Variants in NUDT14 observed in about 807,000 individuals in gnomAD.
NUDT14 encodes the protein nudix hydrolase 14, also known as uridine diphosphate glucose pyrophosphatase NUDT14.
In NUDT14, 22 loss-of-function variants were observed where a neutral mutation model predicts 17.5. The observed-to-expected ratio is 1.26, with a 90% CI of 0.90 to 1.80. The LOEUF (loss-of-function observed/expected upper bound fraction) is 1.80, where lower values mean the gene tolerates loss of function less well. Among genes scored for constraint, NUDT14 ranks in the 40% most tolerant of loss-of-function variants. The pLI is 0.00. For missense variants in NUDT14, 296 were observed against 295.6 expected (o/e 1.00, Z -0.01); for synonymous variants, 129 against 125.8 (o/e 1.03, Z -0.17).
chr14:105,181,221 G>T lies in NUDT14; in HGVS notation c.-12C>A. Reference sequence around the variant, plus strand: ...TCGATGCGCTCCATGGCGGCGCCCGGACAGGCGGGGGCCGCGAGCTCTGCG... The same window carrying T: ...TCGATGCGCTCCATGGCGGCGCCCGTACAGGCGGGGGCCGCGAGCTCTGCG... On this transcript the variant is annotated 5_prime_UTR_variant, in exon 1 of 5. Coordinates refer to ENST00000392568, the MANE Select transcript of NUDT14 (RefSeq NM_177533.5). This position sits in a 1 kb window ranked among gnomAD's most constrained non-coding sequence, Gnocchi z 5.0. 2 of 1,074,940 alleles carry T rather than the reference G, an allele frequency of 1.9e-6. No individual in the cohort carries two copies. Among genetic ancestry groups the T allele is most frequent in the Non-Finnish European group, 2.3e-6 (2 of 870,722 alleles). 66.6% of individuals were successfully genotyped at this position (1,074,940 alleles called of 1,614,324 possible).
intron 1 of NUDT14, among the ~76,000 whole-genome samples, chr14:105,178,337 G>C (rs1889260388): frequency 6.6e-6 from 1 of 152,074 alleles, no homozygotes; most frequent in Non-Finnish European, 1.5e-5. Context: ...ATGGTGACCA[G>C]GCTCGGCAGC....
Position 105,177,039 on chromosome 14 carries a change from G to C in NUDT14, c.126-12C>G. On this transcript the variant is annotated splice_polypyrimidine_tract_variant and intron_variant, in intron 2 of 4. Transcript: ENST00000392568. ...AGAGAACGGTCACGCTGTGTACGGG[G>C]GGAGGGGCTCAGCACAGAAGCACTC... 1 of 1,610,450 alleles carries C rather than the reference G, an allele frequency of 6.2e-7. No individual in the cohort carries two copies. Among genetic ancestry groups the C allele is most frequent in the Non-Finnish European group, 8.5e-7 (1 of 1,179,346 alleles).
In NUDT14 at chr14:105,181,261, G is replaced by A; in HGVS notation, c.-52C>T. 1 of 709,390 alleles carries A rather than the reference G, an allele frequency of 1.4e-6. No homozygotes were observed. The highest frequency in any genetic ancestry group is 1.8e-6 in the Non-Finnish European group (1 of 552,770). 43.9% of individuals were successfully genotyped at this position (709,390 alleles called of 1,614,324 possible). On this transcript the variant is annotated 5_prime_UTR_variant, in exon 1 of 5. Transcript: ENST00000392568. This position sits in a 1 kb window ranked among gnomAD's most constrained non-coding sequence, Gnocchi z 5.0. ...CGAGCTCTGCGGGGGCCGACACGGGGCGGCGCCCTGTCCCGACAGGAGCCT... is the reference window on the plus strand; with the variant it reads ...CGAGCTCTGCGGGGGCCGACACGGGACGGCGCCCTGTCCCGACAGGAGCCT...
chr14:105,173,262 C>A lies in NUDT14; in HGVS notation c.429-1G>T. The A allele has an allele frequency of 1.3e-6, 2 of 1,529,316 alleles. No individual in the cohort carries two copies. 94.7% of individuals were successfully genotyped at this position (1,529,316 alleles called of 1,614,324 possible). ...GGAGCCAGTCAGTCCCACTCCAGAC[C>A]TACGGGTTGAGACAGGGTCTGCTGA... On this transcript the variant is annotated splice_acceptor_variant, in intron 4 of 4. Transcript: ENST00000392568. LOFTEE classifies it high-confidence loss of function. This position sits in a 1 kb window ranked among gnomAD's most constrained non-coding sequence, Gnocchi z 4.7.
intron 1 of NUDT14, among the ~76,000 whole-genome samples, chr14:105,180,718 C>T (rs976317557): frequency 1.3e-5 from 2 of 152,160 alleles, no homozygotes; most frequent in Non-Finnish European, 2.9e-5. Flanking sequence ...TGCGCCCGGC[C>T]TCTGCGCTCC....
chr14:105,173,217 G>T lies in NUDT14; in HGVS notation c.473C>A (p.Thr158Lys). ...GCTACGCTGGGCATCTGTCACCTCT[G>T]TGTAGAACATGGTCTGTCTGGAGCC... ...LTGSRQTMFY[T>K]EVTDAQRSGP... is the part of the protein sequence containing the mutation. Residue 158 changes from threonine (T) to lysine (K), a missense_variant, in exon 5 of 5, where the codon ACA becomes AAA. Transcript: ENST00000392568. The surrounding 1 kb of genome is among the most constrained non-coding windows in gnomAD (Gnocchi z 4.7). The T allele has an allele frequency of 6.2e-7, 1 of 1,605,928 alleles. No individual in the cohort carries two copies.
At chr14:105,174,528 T>G (rs970257513) in intron 4 of NUDT14, among the ~76,000 whole-genome samples, 1 of 151,902 alleles carries the variant, frequency 6.6e-6, no homozygotes, top group Non-Finnish European at 1.5e-5. Flanking sequence ...CCCCAAGGCC[T>G]CCCCACCTCC....
chr14:105,180,654 G>A (rs910604270), intron 1 of NUDT14, among the ~76,000 whole-genome samples: 1 of 152,088 alleles, frequency 6.6e-6, no homozygotes. Context: ...CAAGGAGGAA[G>A]CCTGCTTTGA....
chr14:105,175,631 C>T (rs1889197080), intron 4 of NUDT14: 1 of 776,936 alleles, frequency 1.3e-6, no homozygotes, highest in Non-Finnish European at 1.6e-6. Flanking sequence ...AACTCCTGAC[C>T]TCAGGTGATC....
intron 1 of NUDT14, among the ~76,000 whole-genome samples, chr14:105,178,877 G>A (rs1477888667): frequency 1.3e-5 from 2 of 152,182 alleles, no homozygotes; most frequent in Non-Finnish European, 2.9e-5. Flanking sequence ...CGTCCTGGGA[G>A]GAGAGTACCG....
intron 4 of NUDT14, chr14:105,176,011 A>T (rs1566777340): frequency 7.9e-7 from 1 of 1,262,562 alleles, no homozygotes; most frequent in Non-Finnish European, 1.0e-6. Context: ...TGGGCTTCAT[A>T]CCAACATCTA....
At position 105,175,847 on chromosome 14, in the gene NUDT14, C is replaced by A. The variant is rs587643320; in HGVS notation, c.428+687G>T. On this transcript the variant is annotated intron_variant, in intron 4 of 4. Transcript: ENST00000392568. ...CCAGGCTGACAGGTGCAGAGACTTC[C>A]GGTGCTTCTCCCAGTGGAGCGGGCC... is the stretch of plus-strand genomic sequence containing the variant. 6 of 1,079,324 alleles carry A rather than the reference C, an allele frequency of 5.6e-6. No homozygotes were observed. The African/African-American group carries it at 1.0e-4, about 18-fold the overall frequency. 66.9% of individuals were successfully genotyped at this position (1,079,324 alleles called of 1,614,324 possible).
At chr14:105,177,160 T>G in intron 2 of NUDT14, 133 bp from the exon 3 acceptor site, 1 of 796,404 alleles carries the variant, frequency 1.3e-6, no homozygotes, top group South Asian at 1.5e-5. Flanking sequence ...GGCCCCTTGC[T>G]CAGATAGGAT....
At chr14:105,175,684 G>A in intron 4 of NUDT14, 1 of 993,098 alleles carries the variant, frequency 1.0e-6, no homozygotes, top group Non-Finnish European at 1.2e-6. Context: ...ACAGGCGTGA[G>A]CCACCGTGCC....
chr14:105,175,990 GGGGAAGTGGAT>G (rs1277908293), intron 4 of NUDT14: 5 of 1,271,070 alleles, frequency 3.9e-6, no homozygotes, highest in Non-Finnish European at 3.1e-6. Flanking sequence ...TAGCGTCCCT[GGGGAAGTGGAT>G]GGGCTTCATA....
At chr14:105,177,926 A>C (rs920155682) in intron 1 of NUDT14, among the ~76,000 whole-genome samples, 191 bp from the exon 2 acceptor site, 3 of 152,080 alleles carry the variant, frequency 2.0e-5, no homozygotes, top group African/African-American at 4.8e-5. Flanking sequence ...AGGGAGGTCA[A>C]GGACAGCCTA....
At chr14:105,177,138 C>A in intron 2 of NUDT14, 111 bp from the exon 3 acceptor site, 1 of 1,003,508 alleles carries the variant, frequency 1.0e-6, no homozygotes, top group South Asian at 1.4e-5. Flanking sequence ...TGCCAGCAGC[C>A]CAGGGAGGTC....
Position 105,173,182 on chromosome 14 carries a change from C to T in NUDT14, c.508G>A (p.Gly170Arg). The T allele has an allele frequency of 1.2e-6, 2 of 1,611,046 alleles. No homozygotes were observed. The highest frequency in any genetic ancestry group is 1.3e-5 in the African/African-American group (1 of 74,992). Residue 170 changes from glycine (G) to arginine (R), a missense_variant, in exon 5 of 5, where the codon GGG (glycine) becomes AGG (arginine). Physicochemically the swap from Gly to Arg is moderately radical, Grantham distance 125 (BLOSUM62 -2). Coordinates refer to ENST00000392568, the MANE Select transcript of NUDT14 (RefSeq NM_177533.5). This position sits in a 1 kb window ranked among gnomAD's most constrained non-coding sequence, Gnocchi z 4.7. ...AGCTCACCCTCCTCCACCAGGCCCC[C>T]ACCTGGACCGCTACGCTGGGCATCT... ...VTDAQRSGPGGGLVEEGELIE... is the reference protein window; with the variant it reads ...VTDAQRSGPGRGLVEEGELIE...
chr14:105,175,551 G>A, intron 4 of NUDT14: 1 of 186,424 alleles, frequency 5.4e-6, no homozygotes, highest in Non-Finnish European at 1.0e-5. Flanking sequence ...ACAGGCTCCT[G>A]CCACCACGCC....
Sources: gnomAD v4.1 joint callset for allele counts (sites outside exome capture counted in the v4.1 genomes callset) on GRCh38, gnomAD v4.1.1 for gene constraint, Gnocchi (gnomAD v3.1) non-coding constraint, MANE v1.5 for transcripts, NCBI Gene and HGNC (gene_info 2026-07-23, HGNC 2026-07-21) for gene names.